The following MIB1 variants were observed in gnomAD, a reference collection of about 807,000 sequenced individuals.
The protein encoded by MIB1 is E3 ubiquitin-protein ligase MIB1.
In MIB1, 278 loss-of-function variants were observed where a neutral mutation model predicts 124.5. The ratio of observed to expected loss-of-function variants is 2.23; its 90% CI spans 2.02 to 2.47. The LOEUF is 2.47. Among genes scored for constraint, MIB1 ranks in the 30% most tolerant of loss-of-function variants. The pLI is 0.00. For missense variants in MIB1, 957 were observed against 1,254.4 expected (o/e 0.76, Z 3.58); for synonymous variants, 446 against 429.4 (o/e 1.04, Z -0.48).
At chr18:21,806,772 C>G (rs553420480) in intron 10 of MIB1, among the ~76,000 whole-genome samples, 1 of 152,088 alleles carries the variant, frequency 6.6e-6, no homozygotes, top group South Asian at 2.1e-4. Flanking sequence ...TACAGGCGCA[C>G]GCCGCCACAC....
chr18:21,739,954 AC>A (rs926460261), upstream of MIB1, among the ~76,000 whole-genome samples: 33 of 151,974 alleles, frequency 2.2e-4, no homozygotes, highest in Admixed American at 1.4e-3. Context: ...AAAAAACCAA[AC>A]AAAAAAAATT....
At chr18:21,787,461 A>G (rs1281726085) in intron 6 of MIB1, among the ~76,000 whole-genome samples, 1 of 152,112 alleles carries the variant, frequency 6.6e-6, no homozygotes, top group East Asian at 1.9e-4. Flanking sequence ...TTCTTCCTGC[A>G]GGTACTCATA....
intron 7 of MIB1, among the ~76,000 whole-genome samples, 185 bp from the exon 8 acceptor site, chr18:21,797,893 TTTATTA>T (rs914903115): frequency 3.9e-5 from 6 of 152,108 alleles, no homozygotes; most frequent in Non-Finnish European, 7.4e-5. Context: ...TGGAAGTAGT[TTTATTA>T]TTATTTTAAA....
At chr18:21,787,435 C>T (rs1406012553) in intron 6 of MIB1, among the ~76,000 whole-genome samples, 1 of 152,186 alleles carries the variant, frequency 6.6e-6, no homozygotes, top group African/African-American at 2.4e-5. Context: ...TTGACTGTAG[C>T]TACCCTTAGG....
intron 2 of MIB1, among the ~76,000 whole-genome samples, chr18:21,767,921 C>T (rs1248059592): frequency 3.3e-5 from 5 of 151,142 alleles, no homozygotes. Flanking sequence ...ACACCCTGCT[C>T]CCCCCACTGC....
At position 21,813,368 on chromosome 18, in the gene MIB1, C is replaced by A. The variant is rs2041796163; in HGVS notation, c.1480-2248C>A. Among the ~76,000 whole-genome samples, 3 of 151,856 alleles carry A rather than the reference C, an allele frequency of 2.0e-5. No homozygotes were observed. In the South Asian group the frequency reaches 6.2e-4, roughly 31 times the overall value. On this transcript the variant is annotated intron_variant, in intron 10 of 20. Transcript: ENST00000261537. Reference sequence around the variant, plus strand: ...TATTTTTGTTTTGTTTTTTAAAACACTTGTTTTTCTGGGATGTTTGAATAT... The same window carrying A: ...TATTTTTGTTTTGTTTTTTAAAACAATTGTTTTTCTGGGATGTTTGAATAT...
chr18:21,748,247 T>C (rs1271813715), intron 1 of MIB1, among the ~76,000 whole-genome samples: 2 of 152,196 alleles, frequency 1.3e-5, no homozygotes, highest in African/African-American at 4.8e-5. Flanking sequence ...GATAATGAAA[T>C]GTAAACCAAT....
rs774629166 is a variant in MIB1, at chr18:21,844,204, T to C, written c.2162T>C (p.Met721Thr). 6 of 1,614,156 alleles carry C rather than the reference T, an allele frequency of 3.7e-6. No homozygotes were observed. The highest frequency in any genetic ancestry group is 1.1e-5 in the South Asian group (1 of 91,078). The change falls in exon 15 of 21, where the codon ATG becomes ACG. Residue 721 changes from methionine (M) to threonine (T), a missense_variant. Physicochemically the swap from Met to Thr is moderately conservative, Grantham distance 81. Transcript: ENST00000261537. ...TCTCAGCTACGTCAGCTCCAAGATA[T>C]GCAAGATGTGGGGAAGGTGGATGCT... ...TLSQLRQLQD[M>T]QDVGKVDAAW...
intron 7 of MIB1, among the ~76,000 whole-genome samples, chr18:21,793,530 C>T (rs2041531805): frequency 6.6e-6 from 1 of 151,932 alleles, no homozygotes; most frequent in African/African-American, 2.4e-5. Flanking sequence ...GTCTGTAATC[C>T]CAGTGCTTTG....
chr18:21,819,695 C>T (rs1169552411), intron 12 of MIB1, 49 bp downstream of exon 12: 4 of 1,292,040 alleles, frequency 3.1e-6, no homozygotes, highest in African/African-American at 1.5e-5. Flanking sequence ...TATTTTCCTA[C>T]TGTTGATTCT....
At chr18:21,825,526 C>T (rs535618164) in intron 12 of MIB1, 1 of 326,570 alleles carries the variant, frequency 3.1e-6, no homozygotes, top group East Asian at 1.1e-4. Flanking sequence ...GTCATCCATA[C>T]ATTTTTCATA....
intron 4 of MIB1, among the ~76,000 whole-genome samples, chr18:21,775,159 A>T (rs1038127363): frequency 2.0e-5 from 3 of 151,476 alleles, no homozygotes; most frequent in Non-Finnish European, 4.4e-5. Context: ...GTTAGCCAGG[A>T]TGGTCTTGAT....
Position 21,779,599 on chromosome 18 carries a change from A to T in MIB1, c.822A>T (p.Gly274=). 6.2e-7 allele frequency: 1 copy of T among 1,614,076 alleles called. No homozygotes were observed. The highest frequency in any genetic ancestry group is 1.1e-5 in the South Asian group (1 of 91,080). The change falls in exon 6 of 21, where the codon GGA becomes GGT. Residue 274 remains glycine, a synonymous_variant. Transcript: ENST00000261537. The part of the protein sequence containing the change: ...LQHGHGGWTD[G]MFETLTTTGT... ...ATGGTCATGGAGGATGGACTGATGG[A>T]ATGTTTGAGACTTTAACTACAACTG...
intron 10 of MIB1, among the ~76,000 whole-genome samples, chr18:21,809,225 A>G (rs952684258): frequency 6.6e-6 from 1 of 152,120 alleles, no homozygotes; most frequent in Admixed American, 6.5e-5. Context: ...AGAAATAGGA[A>G]ACCTGAATAA....
chr18:21,828,542 T>G (rs2146489190), intron 12 of MIB1: 1 of 152,118 alleles, frequency 6.6e-6, no homozygotes, highest in South Asian at 2.1e-4. Context: ...AGAAATAGCT[T>G]ATTATGTGAA....
At chr18:21,708,661 C>T (rs914356776) in intron 1 of MIB1, among the ~76,000 whole-genome samples, 3 of 151,892 alleles carry the variant, frequency 2.0e-5, no homozygotes, top group African/African-American at 7.3e-5. Context: ...CCTGAAAAAA[C>T]CCAAAAAACC....
intron 1 of MIB1, among the ~76,000 whole-genome samples, chr18:21,752,069 G>T (rs944216120): frequency 1.3e-5 from 2 of 152,228 alleles, no homozygotes; most frequent in African/African-American, 4.8e-5. Flanking sequence ...TCCCATGAAA[G>T]AGTTTTTGTT....
At chr18:21,745,710 A>ACACACACACACACACACACACAC (rs1568183975) in intron 1 of MIB1, among the ~76,000 whole-genome samples, 2 of 146,036 alleles carry the variant, frequency 1.4e-5, no homozygotes, top group African/African-American at 5.2e-5. Flanking sequence ...ACACACACAC[A>ACACACACACACACACACACACAC]AAATTTTATT....
At chr18:21,859,773 C>T (rs1018738398) in intron 20 of MIB1, among the ~76,000 whole-genome samples, 1 of 150,350 alleles carries the variant, frequency 6.7e-6, no homozygotes, top group Non-Finnish European at 1.5e-5. Flanking sequence ...CCTGTAGTCG[C>T]AGCTACTCTG....
Sources: gnomAD v4.1 joint callset for allele counts (sites outside exome capture counted in the v4.1 genomes callset) on GRCh38, gnomAD v4.1.1 for gene constraint, MANE v1.5 for transcripts, NCBI Gene and HGNC (gene_info 2026-07-23, HGNC 2026-07-21) for gene names.